Variants in PRKG2 observed in about 807,000 individuals in gnomAD.
PRKG2 encodes the protein cGMP-dependent protein kinase 2.
Under a neutral mutation model 97.2 loss-of-function variants are expected in PRKG2, and 33 were observed. That is an observed-to-expected ratio of 0.34 (90% CI 0.26 to 0.45). PRKG2 has a LOEUF of 0.45. PRKG2 is among the 20% of genes least tolerant of loss of function. The probability of loss-of-function intolerance (pLI) is 1.00; values close to 1 mark genes in which losing one functional copy is unlikely to be tolerated. For missense variants in PRKG2, 638 were observed against 900.0 expected (o/e 0.71, Z 3.73); for synonymous variants, 330 against 321.8 (o/e 1.03, Z -0.27).
intron 2 of PRKG2, among the ~76,000 whole-genome samples, chr4:81,195,917 G>A (rs563286840): frequency 6.6e-6 from 1 of 152,274 alleles, no homozygotes; most frequent in South Asian, 2.1e-4. Context: ...GAAGCAAAAG[G>A]CTTGGTGAAT....
chr4:81,175,211 A>T (rs984814104), intron 2 of PRKG2, among the ~76,000 whole-genome samples: 3 of 152,078 alleles, frequency 2.0e-5, no homozygotes, highest in Non-Finnish European at 2.9e-5. Flanking sequence ...CCTAATTGCC[A>T]TCACCACAAA....
At chr4:81,111,468 A>T (rs1232712884) in intron 14 of PRKG2, among the ~76,000 whole-genome samples, 2 of 152,158 alleles carry the variant, frequency 1.3e-5, no homozygotes, top group Non-Finnish European at 2.9e-5. Context: ...ATATCATGTA[A>T]TACATGATAT....
intron 2 of PRKG2, among the ~76,000 whole-genome samples, chr4:81,199,741 G>A (rs1753186772): frequency 6.6e-6 from 1 of 152,138 alleles, no homozygotes; most frequent in Non-Finnish European, 1.5e-5. Context: ...ATCCTCAAAT[G>A]CTCAGTACTG....
At chr4:81,112,399 G>A (rs191835614) in intron 14 of PRKG2, among the ~76,000 whole-genome samples, 22 of 152,194 alleles carry the variant, frequency 1.4e-4, no homozygotes, top group Non-Finnish European at 1.9e-4. Flanking sequence ...AGGCAAGAAA[G>A]TAATGTTTAT....
chr4:81,213,175 G>A (rs957216380), intron 1 of PRKG2, among the ~76,000 whole-genome samples: 12 of 152,152 alleles, frequency 7.9e-5, no homozygotes, highest in African/African-American at 2.7e-4. Context: ...TGATGCAAAT[G>A]TCTAGCAGGT....
At chr4:81,121,400 G>T (rs1243306002) in intron 14 of PRKG2, among the ~76,000 whole-genome samples, 1 of 152,018 alleles carries the variant, frequency 6.6e-6, no homozygotes, top group Non-Finnish European at 1.5e-5. Context: ...AATGTTGACT[G>T]GAATTCACCA....
chr4:81,150,139 GCATAGACATAGA>G (rs1156452212), intron 8 of PRKG2, among the ~76,000 whole-genome samples: 3 of 152,120 alleles, frequency 2.0e-5, no homozygotes, highest in Non-Finnish European at 4.4e-5. Flanking sequence ...ATAGACATAA[GCATAGACATAGA>G]CATAGACACA....
At chr4:81,188,385 G>A (rs1166696675) in intron 2 of PRKG2, among the ~76,000 whole-genome samples, 1 of 146,872 alleles carries the variant, frequency 6.8e-6, no homozygotes, top group Non-Finnish European at 1.5e-5. Context: ...AGGTGCTGGA[G>A]AGGATGTGGA....
intron 17 of PRKG2, among the ~76,000 whole-genome samples, chr4:81,100,994 T>C (rs1046977586): frequency 1.3e-5 from 2 of 151,956 alleles, no homozygotes; most frequent in African/African-American, 4.8e-5. Flanking sequence ...ATCAGAGAAA[T>C]GCAAATCAAA....
rs1039581561 is a variant in PRKG2 at position 81,181,699 on chromosome 4, A to C, written c.462-6740T>G. 1.0e-4 allele frequency among the ~76,000 whole-genome samples: 14 copies of C among 136,180 alleles called. 1 individual carries two copies. The highest frequency in any genetic ancestry group is 9.5e-4 in the Admixed American group (14 of 14,732). The allele number at this position is 136,180 out of a possible 152,430, so 89.3% of individuals were successfully genotyped here. A position where few individuals can be genotyped will look rare whatever the true frequency, so the allele number is the denominator to read the frequency against. On this transcript the variant is annotated intron_variant, in intron 2 of 18. Coordinates refer to ENST00000264399, the MANE Select transcript of PRKG2 (RefSeq NM_006259.3). ...AAATAAGAAGAAGACATCACTATGGATATTACAGTTATAAAAAAAGAAATG... is the reference window on the plus strand; with the variant it reads ...AAATAAGAAGAAGACATCACTATGGCTATTACAGTTATAAAAAAAGAAATG...
Position 81,192,373 on chromosome 4 carries a change from C to T in PRKG2, c.461+12214G>A, listed in dbSNP as rs556715821. 2.6e-5 allele frequency: 4 copies of T among 152,196 alleles called. No individual in the cohort carries two copies. The South Asian group carries it at 8.3e-4, about 32-fold the overall frequency. The allele number at this position is 152,196 out of a possible 1,614,324, so 9.4% of individuals were successfully genotyped here. A position where few individuals can be genotyped will look rare whatever the true frequency, so the allele number is the denominator to read the frequency against. On this transcript the variant is annotated intron_variant, in intron 2 of 18. Coordinates refer to ENST00000264399, the MANE Select transcript of PRKG2 (RefSeq NM_006259.3). ...GTGCTAGTAATGTTTATTTTCTGAT[C>T]ATTTTGGTGGTCACATGGGTATGTT... is the stretch of plus-strand genomic sequence containing the variant.
At chr4:81,164,327 G>C (rs1466270074) in intron 6 of PRKG2, among the ~76,000 whole-genome samples, 1 of 152,074 alleles carries the variant, frequency 6.6e-6, no homozygotes. Context: ...CCAGACTTTG[G>C]ACTAGTGAAC....
At chr4:81,125,067 C>A (rs1216044088) in intron 14 of PRKG2, among the ~76,000 whole-genome samples, 1 of 152,108 alleles carries the variant, frequency 6.6e-6, no homozygotes, top group South Asian at 2.1e-4. Flanking sequence ...TGTCTCTATT[C>A]TATGTAAATT....
At chr4:81,135,956 A>G (rs1560568162) in intron 13 of PRKG2, among the ~76,000 whole-genome samples, 1 of 152,040 alleles carries the variant, frequency 6.6e-6, no homozygotes, top group East Asian at 1.9e-4. Context: ...AAAGTTGTTT[A>G]ACTGTTCTGA....
chr4:81,101,554 C>T lies in PRKG2; in HGVS notation c.2126+2816G>A, dbSNP rs182282397. ...ACCCAGGAATGGGAACATCACACACCGGGGCCTGTTGTGGGGTGGGGGGAG... is the reference window on the plus strand; with the variant it reads ...ACCCAGGAATGGGAACATCACACACTGGGGCCTGTTGTGGGGTGGGGGGAG... On this transcript the variant is annotated intron_variant, in intron 17 of 18. Transcript: ENST00000264399. 7.8e-3 allele frequency among the ~76,000 whole-genome samples: 705 copies of T among 90,224 alleles called. 8 individuals are homozygous for T. Among genetic ancestry groups the T allele is most frequent in the South Asian group, 0.021 (62 of 2,980 alleles). The allele number at this position is 90,224 out of a possible 152,430, so 59.2% of individuals were successfully genotyped here.
intron 12 of PRKG2, among the ~76,000 whole-genome samples, chr4:81,138,497 T>C (rs1300973101): frequency 6.6e-6 from 1 of 152,162 alleles, no homozygotes; most frequent in African/African-American, 2.4e-5. Flanking sequence ...TCATTGTTTC[T>C]CAATGAACAT....
chr4:81,163,274 C>G (rs1016862362), intron 6 of PRKG2, among the ~76,000 whole-genome samples: 1 of 152,084 alleles, frequency 6.6e-6, no homozygotes, highest in Non-Finnish European at 1.5e-5. Flanking sequence ...CTGGGGAGTG[C>G]AACCAGTCAA....
intron 1 of PRKG2, among the ~76,000 whole-genome samples, chr4:81,211,589 T>C (rs918299833): frequency 7.2e-5 from 11 of 152,138 alleles, no homozygotes; most frequent in African/African-American, 2.2e-4. Flanking sequence ...AATATTCTCA[T>C]AAATAAGGAA....
chr4:81,176,474 T>C (rs1471209028), intron 2 of PRKG2, among the ~76,000 whole-genome samples: 1 of 152,196 alleles, frequency 6.6e-6, no homozygotes, highest in Non-Finnish European at 1.5e-5. Flanking sequence ...TTAATATATA[T>C]TGAGAACATA....
Sources: gnomAD v4.1 joint callset for allele counts (sites outside exome capture counted in the v4.1 genomes callset) on GRCh38, gnomAD v4.1.1 for gene constraint, MANE v1.5 for transcripts, NCBI Gene and HGNC (gene_info 2026-07-23, HGNC 2026-07-21) for gene names.